CREB3L2: variants seen among roughly 807,000 people sequenced by gnomAD.
CREB3L2 encodes cyclic AMP-responsive element-binding protein 3-like protein 2.
In CREB3L2, 23 loss-of-function variants were observed where a neutral mutation model predicts 57.2. The ratio of observed to expected loss-of-function variants is 0.40; its 90% confidence interval spans 0.29 to 0.57. The LOEUF (loss-of-function observed/expected upper bound fraction) is 0.57, where lower values mean the gene tolerates loss of function less well. Among genes scored for constraint, CREB3L2 ranks in the 20% least tolerant of loss-of-function variants. CREB3L2 has a pLI of 0.42. For synonymous variants in CREB3L2, 268 were observed against 265.1 expected (o/e 1.01, Z -0.11); for missense variants, 628 against 634.7 (o/e 0.99, Z 0.11).
chr7:137,979,821 A>G (rs1453620582), intron 1 of CREB3L2, among the ~76,000 whole-genome samples: 2 of 152,182 alleles, frequency 1.3e-5, no homozygotes, highest in Admixed American at 1.3e-4. Context: ...GGGACTTCTG[A>G]GTGGACAGGT....
chr7:137,972,928 GA>G (rs1801543508), intron 1 of CREB3L2, among the ~76,000 whole-genome samples: 1 of 151,020 alleles, frequency 6.6e-6, no homozygotes, highest in East Asian at 1.9e-4. Context: ...CCCCAGAATG[GA>G]CACCCTGGTA....
At chr7:137,900,149 A>T (rs929443247) in intron 8 of CREB3L2, among the ~76,000 whole-genome samples, 2 of 152,266 alleles carry the variant, frequency 1.3e-5, no homozygotes, top group South Asian at 2.1e-4. Context: ...TTAACCCTGC[A>T]CTTTCACCCC....
intron 1 of CREB3L2, among the ~76,000 whole-genome samples, chr7:137,938,758 C>A (rs960492614): frequency 6.6e-6 from 1 of 152,152 alleles, no homozygotes; most frequent in African/African-American, 2.4e-5. Context: ...TTTTAAACTA[C>A]ATAATTTTTC....
At chr7:137,912,585 G>A (rs749531205) in intron 4 of CREB3L2, among the ~76,000 whole-genome samples, 17 of 152,174 alleles carry the variant, frequency 1.1e-4, no homozygotes. Context: ...ACAAAGAGTT[G>A]AAACTAGAGT....
intron 1 of CREB3L2, among the ~76,000 whole-genome samples, chr7:137,953,871 A>G (rs910017888): frequency 6.6e-6 from 1 of 152,214 alleles, no homozygotes; most frequent in Non-Finnish European, 1.5e-5. Context: ...AGGCATCATC[A>G]TGGGTTTTTC....
intron 1 of CREB3L2, among the ~76,000 whole-genome samples, chr7:137,984,364 G>T (rs1166716557): frequency 1.3e-5 from 2 of 152,234 alleles, no homozygotes; most frequent in African/African-American, 4.8e-5. Context: ...CTCAGAGAAA[G>T]CCCTGGCTTG....
chr7:137,922,627 A>G (rs1364360486), intron 2 of CREB3L2: 2 of 448,132 alleles, frequency 4.5e-6, no homozygotes, highest in Non-Finnish European at 9.0e-6. Flanking sequence ...CTTGAACAAC[A>G]CGGGTTTTGA....
At chr7:137,913,840 G>A (rs1323722401) in intron 3 of CREB3L2, among the ~76,000 whole-genome samples, 4 of 152,114 alleles carry the variant, frequency 2.6e-5, no homozygotes, top group Non-Finnish European at 4.4e-5. Context: ...GTTGTAGAGC[G>A]TAACTGTGCA....
intron 11 of CREB3L2, 66 bp downstream of exon 11, chr7:137,882,346 A>G: frequency 8.3e-7 from 1 of 1,205,616 alleles, no homozygotes; most frequent in East Asian, 2.3e-5. Flanking sequence ...CTCACATCTC[A>G]GGTTGCTGAC....
At chr7:137,937,992 C>A in intron 1 of CREB3L2, among the ~76,000 whole-genome samples, 1 of 151,626 alleles carries the variant, frequency 6.6e-6, no homozygotes, top group Non-Finnish European at 1.5e-5. Context: ...AGGGTATATT[C>A]AATATTTTGT....
intron 1 of CREB3L2, among the ~76,000 whole-genome samples, chr7:137,959,454 A>T (rs1801279757): frequency 6.6e-6 from 1 of 152,180 alleles, no homozygotes; most frequent in Admixed American, 6.5e-5. Context: ...CTGAGCACAG[A>T]CTCATAGGTG....
Position 137,877,230 on chromosome 7 carries a change from A to G in CREB3L2, c.*3246T>C, listed in dbSNP as rs373464281. 234 of 227,510 alleles carry G rather than the reference A, an allele frequency of 1.0e-3. No homozygotes were observed. Among genetic ancestry groups the G allele is most frequent in the African/African-American group, 4.7e-3 (213 of 45,156 alleles). The allele number at this position is 227,510 out of a possible 1,614,324, so 14.1% of individuals were successfully genotyped here. ...AAGGGGTCTGTGAATAAGTTAAACT[A>G]AAAGCTGCTTTCACAATCTACAAAT... On this transcript the variant is annotated 3_prime_UTR_variant, in exon 12 of 12. Transcript: ENST00000330387.
chr7:137,890,352 T>G (rs1366905717), intron 8 of CREB3L2, among the ~76,000 whole-genome samples: 1 of 152,192 alleles, frequency 6.6e-6, no homozygotes, highest in Non-Finnish European at 1.5e-5. Context: ...CTGGGCTTTA[T>G]TTAGAAAAAT....
intron 2 of CREB3L2, among the ~76,000 whole-genome samples, chr7:137,917,615 G>A (rs1376545938): frequency 1.3e-5 from 2 of 152,116 alleles, no homozygotes; most frequent in Non-Finnish European, 2.9e-5. Context: ...ATTTAGAACC[G>A]CTAAGAAGAA....
intron 3 of CREB3L2, among the ~76,000 whole-genome samples, chr7:137,915,246 T>G (rs1800102523): frequency 6.6e-6 from 1 of 152,138 alleles, no homozygotes; most frequent in Non-Finnish European, 1.5e-5. Flanking sequence ...AGGCATGGAA[T>G]CTAGTAAGGA....
intron 3 of CREB3L2, among the ~76,000 whole-genome samples, chr7:137,914,113 A>G (rs1260088104): frequency 2.0e-5 from 3 of 151,640 alleles, no homozygotes; most frequent in Non-Finnish European, 4.4e-5. Context: ...GCACCAAGCC[A>G]CATCCTTTCT....
chr7:137,964,436 G>A (rs1728498793), intron 1 of CREB3L2, among the ~76,000 whole-genome samples: 2 of 152,166 alleles, frequency 1.3e-5, no homozygotes, highest in African/African-American at 4.8e-5. Flanking sequence ...GTTTCGACAG[G>A]GGAATGTTTT....
At chr7:137,882,237 G>A (rs1799308447) in intron 11 of CREB3L2, among the ~76,000 whole-genome samples, 175 bp downstream of exon 11, 1 of 152,128 alleles carries the variant, frequency 6.6e-6, no homozygotes, top group Non-Finnish European at 1.5e-5. Flanking sequence ...TCTGCTCAGG[G>A]CAACTGTTGG....
chr7:137,893,670 C>A (rs966006415), intron 8 of CREB3L2, among the ~76,000 whole-genome samples: 1 of 151,978 alleles, frequency 6.6e-6, no homozygotes, highest in Non-Finnish European at 1.5e-5. Context: ...GCTGGAAAGA[C>A]CTTTAATAGG....
Sources: gnomAD v4.1 joint callset for allele counts (sites outside exome capture counted in the v4.1 genomes callset) on GRCh38, gnomAD v4.1.1 for gene constraint, MANE v1.5 for transcripts, NCBI Gene and HGNC (gene_info 2026-07-23, HGNC 2026-07-21) for gene names.